ANKHD1: variants seen among roughly 807,000 people sequenced by gnomAD.
The protein encoded by ANKHD1 is ankyrin repeat and KH domain-containing protein 1.
A neutral mutation model predicts 230.5 loss-of-function variants in ANKHD1; 31 were observed. The observed-to-expected ratio is 0.13, with a 90% CI of 0.10 to 0.18. The LOEUF is 0.18. Ranked by LOEUF, ANKHD1 falls within the 10% of genes least tolerant of loss-of-function variation. The pLI is 1.00. For synonymous variants in ANKHD1, 1,074 were observed against 1,117.6 expected (o/e 0.96, Z 0.78); for missense variants, 2,256 against 3,071.3 (o/e 0.73, Z 6.27).
At chr5:140,450,926 G>A (rs1444885170) in intron 7 of ANKHD1, among the ~76,000 whole-genome samples, 1 of 152,082 alleles carries the variant, frequency 6.6e-6, no homozygotes, top group East Asian at 1.9e-4. Flanking sequence ...GCTGAGGCGG[G>A]TGGATCACTT....
intron 10 of ANKHD1, among the ~76,000 whole-genome samples, chr5:140,470,243 A>C (rs1776391439): frequency 6.7e-6 from 1 of 149,816 alleles, no homozygotes; most frequent in South Asian, 2.1e-4. Context: ...ATCTTGTGTT[A>C]ATTATTCTAT....
At chr5:140,520,977 A>G (rs557302795) in intron 24 of ANKHD1, among the ~76,000 whole-genome samples, 43 of 152,098 alleles carry the variant, frequency 2.8e-4, no homozygotes, top group African/African-American at 9.2e-4. Flanking sequence ...GTGTGCTGTA[A>G]TGGAAAAATT....
At chr5:140,445,314 T>A (rs1051853416) in intron 5 of ANKHD1, among the ~76,000 whole-genome samples, 1 of 152,088 alleles carries the variant, frequency 6.6e-6, no homozygotes, top group Non-Finnish European at 1.5e-5. Context: ...GAGACCAGCC[T>A]GCCAACATGG....
At chr5:140,522,638 GT>G in intron 24 of ANKHD1, among the ~76,000 whole-genome samples, 1 of 152,164 alleles carries the variant, frequency 6.6e-6, no homozygotes. Flanking sequence ...TAAGTATACA[GT>G]TTTTGTATGA....
At chr5:140,491,310 C>G (rs1259518445) in intron 14 of ANKHD1, among the ~76,000 whole-genome samples, 3 of 150,336 alleles carry the variant, frequency 2.0e-5, no homozygotes, top group Non-Finnish European at 4.4e-5. Context: ...ACTACAGGTG[C>G]CCTGCCACTA....
At position 140,485,967 on chromosome 5, in the gene ANKHD1, A is replaced by G; in HGVS notation, c.2142+235A>G. ...AAAAACCACTTAATATCAAATATAAACGTAAGTATTCTAAGTTGTTATCTT... is the reference window on the plus strand; with the variant it reads ...AAAAACCACTTAATATCAAATATAAGCGTAAGTATTCTAAGTTGTTATCTT... On this transcript the variant is annotated intron_variant, in intron 13 of 33. Transcript: ENST00000360839. The surrounding 1 kb of genome is among the most constrained non-coding windows in gnomAD (Gnocchi z 4.8). 1.9e-6 allele frequency: 1 copy of G among 514,858 alleles called. No individual in the cohort carries two copies. Among genetic ancestry groups the G allele is most frequent in the East Asian group, 3.9e-5 (1 of 25,622 alleles). The allele number at this position is 514,858 out of a possible 1,614,324, so 31.9% of individuals were successfully genotyped here. A position where few individuals can be genotyped will look rare whatever the true frequency, so the allele number is the denominator to read the frequency against.
At chr5:140,402,964 CTTTTTTTTT>C (rs56939861) in intron 1 of ANKHD1, among the ~76,000 whole-genome samples, 4 of 73,944 alleles carry the variant, frequency 5.4e-5, no homozygotes, top group African/African-American at 1.6e-4. Context: ...GAAACCTCTT[CTTTTTTTTT>C]TTTTTTTTTT....
chr5:140,504,836 T>C lies in ANKHD1; in HGVS notation c.3020T>C (p.Val1007Ala), dbSNP rs1561807844. 3.7e-6 allele frequency: 6 copies of C among 1,613,408 alleles called. No individual in the cohort carries two copies. The highest frequency in any genetic ancestry group is 4.2e-6 in the Non-Finnish European group (5 of 1,179,854). The change falls in exon 16 of 34, where the codon GTG (valine) becomes GCG (alanine). Residue 1007 changes from valine (V) to alanine (A), a missense_variant. By Grantham distance (64) the Val-to-Ala change is moderately conservative (BLOSUM62 0). Transcript: ENST00000360839. ...TGTTTTTCAGCTGTGAGTACCAGAGTGCCCACTGGTTCCAACAGTTCTTCT... is the reference window on the plus strand; with the variant it reads ...TGTTTTTCAGCTGTGAGTACCAGAGCGCCCACTGGTTCCAACAGTTCTTCT... Reference protein sequence around the residue: ...DDLIAAVSTRVPTGSNSSSQT... With the variant: ...DDLIAAVSTRAPTGSNSSSQT...
At chr5:140,426,921 T>C (rs1772473352) in intron 1 of ANKHD1, among the ~76,000 whole-genome samples, 1 of 152,234 alleles carries the variant, frequency 6.6e-6, no homozygotes, top group Admixed American at 6.5e-5. Flanking sequence ...TACCTCTTTC[T>C]ACACAGACAC....
chr5:140,449,388 A>G (rs2126940966), intron 7 of ANKHD1, 83 bp downstream of exon 7: 1 of 1,478,680 alleles, frequency 6.8e-7, no homozygotes, highest in East Asian at 2.5e-5. Flanking sequence ...ATTAATTGCC[A>G]GTGCGGTGGC....
intron 1 of ANKHD1, among the ~76,000 whole-genome samples, chr5:140,413,881 A>G (rs191594276): frequency 1.3e-5 from 2 of 152,194 alleles, no homozygotes; most frequent in Admixed American, 1.3e-4. Context: ...CCTGGGTTCA[A>G]GTGATTCTCC....
chr5:140,504,989 A>T, intron 16 of ANKHD1, 23 bp downstream of exon 16: 2 of 1,612,150 alleles, frequency 1.2e-6, no homozygotes, highest in Non-Finnish European at 1.7e-6. Flanking sequence ...CTTTATTTAA[A>T]CTTATTTTGC....
At position 140,491,090 on chromosome 5, in the gene ANKHD1, G is replaced by GTATATATATATATATATATA. The variant is rs1482029581; in HGVS notation, c.2245+4031_2245+4032insATATATATATATATATATAT. Among the ~76,000 whole-genome samples, 23 of 96,590 alleles carry GTATATATATATATATATATA rather than the reference G, an allele frequency of 2.4e-4. No homozygotes were observed. In the South Asian group the frequency reaches 4.5e-3, roughly 19 times the overall value. 63.4% of individuals were successfully genotyped at this position (96,590 alleles called of 152,430 possible). A position where few individuals can be genotyped will look rare whatever the true frequency, so the allele number is the denominator to read the frequency against. ...TATATGTATGTATATATGTGTGTGTGTGTATATATATATATATACACACAC... is the reference window on the plus strand; with the variant it reads ...TATATGTATGTATATATGTGTGTGTGTATATATATATATATATATATGTATATATATATATATACACACAC... On this transcript the variant is annotated intron_variant, in intron 14 of 33. Coordinates refer to ENST00000360839, the MANE Select transcript of ANKHD1 (RefSeq NM_017747.3).
At chr5:140,443,408 A>AT (rs1214510570) in intron 5 of ANKHD1, among the ~76,000 whole-genome samples, 4 of 151,900 alleles carry the variant, frequency 2.6e-5, no homozygotes, top group Admixed American at 6.6e-5. Context: ...CCCAAAAAAA[A>AT]GGCCGGGCGT....
chr5:140,457,965 C>G (rs1051247595), intron 7 of ANKHD1, among the ~76,000 whole-genome samples: 1 of 152,014 alleles, frequency 6.6e-6, no homozygotes, highest in African/African-American at 2.4e-5. Flanking sequence ...TGTTAATTGA[C>G]TTACTGTCTA....
intron 1 of ANKHD1, among the ~76,000 whole-genome samples, chr5:140,410,468 T>C (rs1355791938): frequency 2.0e-5 from 3 of 152,198 alleles, no homozygotes; most frequent in Non-Finnish European, 2.9e-5. Flanking sequence ...ATATGTTACT[T>C]TAAAGAAAAG....
intron 29 of ANKHD1, chr5:140,531,337 T>C (rs1458526516): frequency 2.4e-6 from 1 of 413,940 alleles, no homozygotes; most frequent in Admixed American, 2.8e-5. Flanking sequence ...TCCCAGCACT[T>C]TGGGAAGCTG....
rs749197636 is a variant in ANKHD1, at chr5:140,402,151, G to GGCGGCA, written c.195_200dup (p.Ser66_Gly67dup). 2.9e-5 allele frequency: 44 copies of GGCGGCA among 1,533,440 alleles called. 2 individuals are homozygous for GGCGGCA. The highest frequency in any genetic ancestry group is 2.7e-4 in the South Asian group (22 of 82,000). 95.0% of individuals were successfully genotyped at this position (1,533,440 alleles called of 1,614,324 possible). A position where few individuals can be genotyped will look rare whatever the true frequency, so the allele number is the denominator to read the frequency against. On this transcript the variant is annotated inframe_insertion, in exon 1 of 34. Coordinates refer to ENST00000360839, the MANE Select transcript of ANKHD1 (RefSeq NM_017747.3). ...GTCGGGAGTCGGCAGCAGCGGCGGCGGCGGCAGCGGCAGCGGTACGGGCGG... is the reference window on the plus strand; with the variant it reads ...GTCGGGAGTCGGCAGCAGCGGCGGCGGCGGCAGCGGCAGCGGCAGCGGTACGGGCGG...
At chr5:140,473,974 C>A (rs192443407) in intron 10 of ANKHD1, among the ~76,000 whole-genome samples, 1 of 152,266 alleles carries the variant, frequency 6.6e-6, no homozygotes, top group African/African-American at 2.4e-5. Flanking sequence ...ATTCTGATGA[C>A]AAGTTCTCCA....
Sources: allele counts gnomAD v4.1 joint callset (sites outside exome capture counted in the v4.1 genomes callset), GRCh38; gene constraint gnomAD v4.1.1; non-coding constraint Gnocchi (gnomAD v3.1); transcripts MANE v1.5; gene names NCBI Gene and HGNC (gene_info 2026-07-23, HGNC 2026-07-21).